Variants in C2orf76 observed in about 807,000 individuals in gnomAD.
C2orf76 encodes UPF0538 protein C2orf76.
C2orf76 carries 23 observed loss-of-function variants against 16.9 expected under a neutral mutation model. That is an observed-to-expected ratio of 1.36 (90% CI 0.98 to 1.93). The LOEUF is 1.93. Among genes scored for constraint, C2orf76 ranks in the 30% most tolerant of loss-of-function variants. C2orf76 has a pLI of 0.00. For synonymous variants in C2orf76, 48 were observed against 52.3 expected (o/e 0.92, Z 0.35); for missense variants, 152 against 152.6 (o/e 1.00, Z 0.02).
At chr2:119,300,925 T>C (rs1678610262), downstream of C2orf76, among the ~76,000 whole-genome samples, 1 of 152,162 alleles carries the variant, frequency 6.6e-6, no homozygotes, top group Non-Finnish European at 1.5e-5. Context: ...GACACTAAAA[T>C]TTGCGCTTTC....
At chr2:119,346,686 G>A (rs1437187825) in intron 1 of C2orf76, among the ~76,000 whole-genome samples, 1 of 152,130 alleles carries the variant, frequency 6.6e-6, no homozygotes, top group Non-Finnish European at 1.5e-5. Flanking sequence ...GGTAAAATGA[G>A]AGATCCTTGT....
At chr2:119,309,999 C>T (rs990499600) in intron 5 of C2orf76, among the ~76,000 whole-genome samples, 4 of 152,150 alleles carry the variant, frequency 2.6e-5, no homozygotes, top group East Asian at 1.9e-4. Flanking sequence ...AGATGAGATA[C>T]GAGTTTGAAT....
At chr2:119,338,547 G>A (rs1679924005) in intron 2 of C2orf76, among the ~76,000 whole-genome samples, 1 of 152,202 alleles carries the variant, frequency 6.6e-6, no homozygotes, top group Admixed American at 6.5e-5. Flanking sequence ...GAGAGAAAGG[G>A]GAAGAGGAGA....
At position 119,366,785 on chromosome 2, in the gene C2orf76, C is replaced by T. The variant is rs1027416766; in HGVS notation, c.-13+5G>A. 32 of 573,452 alleles carry T rather than the reference C, an allele frequency of 5.6e-5. No individual in the cohort carries two copies. The highest frequency in any genetic ancestry group is 8.9e-5 in the Non-Finnish European group (29 of 324,350). The allele number at this position is 573,452 out of a possible 1,614,324, so 35.5% of individuals were successfully genotyped here. A position where few individuals can be genotyped will look rare whatever the true frequency, so the allele number is the denominator to read the frequency against. ...AACTAAGCACCCTACTTCCGTTGTC[C>T]CCACCTGTTCCCGGCGTCCCCTTCG... is the stretch of plus-strand genomic sequence containing the variant. On this transcript the variant is annotated splice_donor_5th_base_variant and intron_variant, in intron 1 of 5. Transcript: ENST00000334816.
At chr2:119,306,987 G>T (rs1678810346) in intron 5 of C2orf76, among the ~76,000 whole-genome samples, 1 of 151,970 alleles carries the variant, frequency 6.6e-6, no homozygotes, top group Non-Finnish European at 1.5e-5. Flanking sequence ...TTGTTACCCT[G>T]GCATTATTCC....
intron 4 of C2orf76, among the ~76,000 whole-genome samples, chr2:119,316,737 T>A (rs1679185291): frequency 6.6e-6 from 1 of 152,170 alleles, no homozygotes; most frequent in Non-Finnish European, 1.5e-5. Flanking sequence ...ACAAATAATA[T>A]CTTATTCTTG....
At chr2:119,340,304 A>G (rs566750216) in intron 1 of C2orf76, 60 of 196,292 alleles carry the variant, frequency 3.1e-4, no homozygotes, top group African/African-American at 1.3e-3. Context: ...GAACACAAAC[A>G]CACAGCAGAC....
At chr2:119,304,273 T>C (rs1678708627) in intron 5 of C2orf76, among the ~76,000 whole-genome samples, 1 of 152,240 alleles carries the variant, frequency 6.6e-6, no homozygotes, top group Non-Finnish European at 1.5e-5. Context: ...ATGTGCTATT[T>C]ACATACAGAA....
At chr2:119,356,453 A>G (rs921129492) in intron 1 of C2orf76, among the ~76,000 whole-genome samples, 1 of 151,944 alleles carries the variant, frequency 6.6e-6, no homozygotes, top group Non-Finnish European at 1.5e-5. Context: ...AGTGGGACAC[A>G]GTTAAAGCAC....
chr2:119,364,708 A>G (rs1435625326), intron 1 of C2orf76, among the ~76,000 whole-genome samples: 12 of 152,154 alleles, frequency 7.9e-5, no homozygotes, highest in Admixed American at 1.3e-4. Context: ...TAAATAAAAT[A>G]ATTACAACAT....
At chr2:119,297,895 T>C (rs907429749), downstream of C2orf76, among the ~76,000 whole-genome samples, 1 of 152,150 alleles carries the variant, frequency 6.6e-6, no homozygotes, top group Non-Finnish European at 1.5e-5. Flanking sequence ...TAGATGGAAA[T>C]ATGTCAAAAT....
chr2:119,316,682 G>C (rs1015877108), intron 4 of C2orf76, among the ~76,000 whole-genome samples: 2 of 152,082 alleles, frequency 1.3e-5, no homozygotes, highest in African/African-American at 4.8e-5. Flanking sequence ...AATTGTTATG[G>C]AAAAACTCCT....
chr2:119,309,060 A>C (rs569251429), intron 5 of C2orf76, among the ~76,000 whole-genome samples: 28 of 152,176 alleles, frequency 1.8e-4, no homozygotes, highest in Admixed American at 3.9e-4. Flanking sequence ...CTGGCTCTGG[A>C]CTCTGTTATT....
At position 119,363,200 on chromosome 2, in the gene C2orf76, G is replaced by A. The variant is rs552157727; in HGVS notation, c.-13+3590C>T. Among the ~76,000 whole-genome samples, 6 of 152,158 alleles carry A rather than the reference G, an allele frequency of 3.9e-5. No individual in the cohort carries two copies. The East Asian group carries it at 5.8e-4, about 15-fold the overall frequency. On this transcript the variant is annotated intron_variant, in intron 1 of 5. Coordinates refer to ENST00000334816, the MANE Select transcript of C2orf76 (RefSeq NM_001322331.2). ...AGCACTTTGGGAGGCCGAGACGGGC[G>A]GATCACGAGGTCAGGAGATCGAGAC...
chr2:119,332,548 A>T (rs1158317933), intron 2 of C2orf76, among the ~76,000 whole-genome samples: 4 of 126,464 alleles, frequency 3.2e-5, no homozygotes, highest in African/African-American at 1.1e-4. Context: ...ATTACTATAG[A>T]TCCTTTATTA....
chr2:119,364,513 T>G (rs896777193), intron 1 of C2orf76, among the ~76,000 whole-genome samples: 28 of 152,114 alleles, frequency 1.8e-4, no homozygotes, highest in Non-Finnish European at 3.7e-4. Context: ...TAAATCTTCA[T>G]AGAGAGAAAA....
downstream of C2orf76, among the ~76,000 whole-genome samples, chr2:119,300,826 G>A (rs35888074): frequency 0.56 from 85,378 of 151,952 alleles, 24,689 homozygotes; most frequent in Non-Finnish European, 0.63. Context: ...TGGCTGTATG[G>A]GTACTCAGTG....
intron 1 of C2orf76, among the ~76,000 whole-genome samples, chr2:119,342,711 T>G (rs565584680): frequency 5.9e-5 from 9 of 152,184 alleles, no homozygotes; most frequent in Non-Finnish European, 1.3e-4. Context: ...TCAATTATAT[T>G]AGTAACATTT....
At chr2:119,322,290 T>C (rs910006054) in intron 2 of C2orf76, among the ~76,000 whole-genome samples, 10 of 152,044 alleles carry the variant, frequency 6.6e-5, no homozygotes, top group African/African-American at 1.7e-4. Context: ...CACTGCAGCC[T>C]CGACCTCCCA....
Sources: allele counts gnomAD v4.1 joint callset (sites outside exome capture counted in the v4.1 genomes callset), GRCh38; gene constraint gnomAD v4.1.1; transcripts MANE v1.5; gene names NCBI Gene and HGNC (gene_info 2026-07-23, HGNC 2026-07-21).